DNER: variants seen among roughly 807,000 people sequenced by gnomAD.
DNER encodes the protein delta and Notch-like epidermal growth factor-related receptor.
In DNER, 33 loss-of-function variants were observed where a neutral mutation model predicts 78.2. That is an observed-to-expected ratio of 0.42 (90% CI 0.32 to 0.56). The LOEUF is 0.56. Among genes scored for constraint, DNER ranks in the 20% least tolerant of loss-of-function variants. The pLI, the probability that DNER is intolerant of heterozygous loss-of-function variation, is 0.11. For missense variants in DNER, 918 were observed against 975.3 expected (o/e 0.94, Z 0.78); for synonymous variants, 417 against 384.8 (o/e 1.08, Z -0.98).
intron 1 of DNER, among the ~76,000 whole-genome samples, chr2:229,622,790 T>C (rs939840030): frequency 5.3e-5 from 8 of 152,118 alleles, no homozygotes; most frequent in African/African-American, 1.9e-4. Context: ...GATCCATCCA[T>C]GAGCCAAAGA....
At chr2:229,415,961 A>C (rs1287843222) in intron 9 of DNER, among the ~76,000 whole-genome samples, 2 of 152,216 alleles carry the variant, frequency 1.3e-5, no homozygotes, top group African/African-American at 4.8e-5. Context: ...TTACCAGGAA[A>C]TCTCAAATTG....
At chr2:229,379,591 T>C (rs996508634) in intron 11 of DNER, among the ~76,000 whole-genome samples, 19 of 152,220 alleles carry the variant, frequency 1.2e-4, no homozygotes, top group African/African-American at 4.6e-4. Context: ...TACTCTCCTA[T>C]ATATTTATCT....
intron 11 of DNER, 91 bp from the exon 12 acceptor site, chr2:229,367,210 C>G: frequency 6.6e-7 from 1 of 1,525,450 alleles, no homozygotes; most frequent in Non-Finnish European, 8.8e-7. Flanking sequence ...TAACTTAAAA[C>G]CTAAGGGCCA....
At chr2:229,661,327 T>G (rs1308808282) in intron 1 of DNER, among the ~76,000 whole-genome samples, 1 of 152,114 alleles carries the variant, frequency 6.6e-6, no homozygotes, top group Non-Finnish European at 1.5e-5. Context: ...AAAAAAAACT[T>G]GTTACTCAGT....
intron 1 of DNER, among the ~76,000 whole-genome samples, chr2:229,636,816 G>T (rs1698538652): frequency 6.6e-6 from 1 of 152,132 alleles, no homozygotes. Context: ...ACAGGTACCA[G>T]ATCCAGGCCT....
chr2:229,586,664 A>G, intron 3 of DNER: 1 of 984,540 alleles, frequency 1.0e-6, no homozygotes, highest in Non-Finnish European at 1.2e-6. Context: ...TTCAGCTACT[A>G]CGAGCTACCC....
intron 5 of DNER, among the ~76,000 whole-genome samples, chr2:229,539,125 CT>C (rs1355269195): frequency 1.3e-5 from 2 of 152,158 alleles, no homozygotes; most frequent in Non-Finnish European, 2.9e-5. Flanking sequence ...TCCTTTGATT[CT>C]TTGTGGGCTC....
At chr2:229,502,224 G>A (rs892092202) in intron 6 of DNER, among the ~76,000 whole-genome samples, 2 of 152,170 alleles carry the variant, frequency 1.3e-5, no homozygotes, top group Non-Finnish European at 1.5e-5. Flanking sequence ...ACCCATCAGT[G>A]CCCATCAGAA....
chr2:229,378,283 G>T (rs1692654442), intron 11 of DNER, among the ~76,000 whole-genome samples: 1 of 152,122 alleles, frequency 6.6e-6, no homozygotes, highest in Admixed American at 6.5e-5. Flanking sequence ...CACTCAATTT[G>T]TGGTAATTTG....
Position 229,683,935 on chromosome 2 carries a change from C to T in DNER, c.276+30213G>A, listed in dbSNP as rs1435031666. 2.0e-5 allele frequency among the ~76,000 whole-genome samples: 3 copies of T among 152,068 alleles called. No homozygotes were observed. The East Asian group carries it at 5.8e-4, about 29-fold the overall frequency. On this transcript the variant is annotated intron_variant, in intron 1 of 12. Coordinates refer to ENST00000341772, the MANE Select transcript of DNER (RefSeq NM_139072.4). ...CCTTCATGGGCAAACATTTGCCTTC[C>T]TCCTCTCCTGTGCAGAGCACTGTGT...
At chr2:229,709,202 T>G (rs1324061364) in intron 1 of DNER, among the ~76,000 whole-genome samples, 1 of 152,228 alleles carries the variant, frequency 6.6e-6, no homozygotes, top group Non-Finnish European at 1.5e-5. Context: ...TTACCTTTTT[T>G]CAAAATGTTT....
At chr2:229,497,443 A>C (rs576239708) in intron 6 of DNER, among the ~76,000 whole-genome samples, 4 of 152,226 alleles carry the variant, frequency 2.6e-5, no homozygotes, top group African/African-American at 7.2e-5. Context: ...AATGAAGATC[A>C]GATCAAAAAT....
intron 11 of DNER, among the ~76,000 whole-genome samples, chr2:229,376,041 T>A (rs1281078246): frequency 6.6e-6 from 1 of 152,158 alleles, no homozygotes; most frequent in African/African-American, 2.4e-5. Flanking sequence ...GTGAAGAAGG[T>A]GACTTGCTTC....
rs554567904 is a variant in DNER, at chr2:229,429,641, A to G, written c.1487-11411T>C. Among the ~76,000 whole-genome samples, 7 of 152,256 alleles carry G rather than the reference A, an allele frequency of 4.6e-5. No homozygotes were observed. The East Asian group carries it at 1.4e-3, about 29-fold the overall frequency. On this transcript the variant is annotated intron_variant, in intron 8 of 12. Transcript: ENST00000341772. ...GCCCTAAGCACCATAGCCCTGAAGG[A>G]CGCCATTACCCTGAGCCATAGTTTC...
chr2:229,504,163 G>A (rs1387523935), intron 6 of DNER, among the ~76,000 whole-genome samples: 2 of 152,066 alleles, frequency 1.3e-5, no homozygotes, highest in South Asian at 2.1e-4. Context: ...TATATATATC[G>A]ATGCCCTGTG....
rs955306957 is a variant in DNER at position 229,574,411 on chromosome 2, C to T, written c.847+11447G>A. Among the ~76,000 whole-genome samples the T allele has an allele frequency of 2.6e-5, 4 of 152,034 alleles. No homozygotes were observed. The East Asian group carries it at 5.8e-4, about 22-fold the overall frequency. On this transcript the variant is annotated intron_variant, in intron 4 of 12. Coordinates refer to ENST00000341772, the MANE Select transcript of DNER (RefSeq NM_139072.4). ...ATTGATTCAATGGAACCCTATACCACCACAAAGAAAACTGTTAGAGATTTA... is the reference window on the plus strand; with the variant it reads ...ATTGATTCAATGGAACCCTATACCATCACAAAGAAAACTGTTAGAGATTTA...
intron 1 of DNER, among the ~76,000 whole-genome samples, chr2:229,637,155 A>AAC (rs374775383): frequency 6.6e-6 from 1 of 152,062 alleles, no homozygotes; most frequent in African/African-American, 2.4e-5. Context: ...CCATCCCCTC[A>AAC]ACACACACAC....
At chr2:229,361,124 C>G (rs1692199998) in intron 12 of DNER, among the ~76,000 whole-genome samples, 1 of 152,100 alleles carries the variant, frequency 6.6e-6, no homozygotes, top group Non-Finnish European at 1.5e-5. Context: ...AATGAAAAGA[C>G]TTTGTTTGAA....
At chr2:229,506,159 G>A (rs961125007) in intron 6 of DNER, among the ~76,000 whole-genome samples, 17 of 144,954 alleles carry the variant, frequency 1.2e-4, no homozygotes, top group African/African-American at 4.5e-4. Flanking sequence ...ATAAAGGAAA[G>A]AGGTTTAATT....
Sources: gnomAD v4.1 joint callset for allele counts (sites outside exome capture counted in the v4.1 genomes callset) on GRCh38, gnomAD v4.1.1 for gene constraint, MANE v1.5 for transcripts, NCBI Gene and HGNC (gene_info 2026-07-23, HGNC 2026-07-21) for gene names.